The following VSIG1 variants were observed in gnomAD, a reference collection of about 807,000 sequenced individuals.
VSIG1 encodes the protein V-set and immunoglobulin domain containing 1.
A neutral mutation model predicts 20.1 loss-of-function variants in VSIG1; 11 were observed. That is an observed-to-expected ratio of 0.55 (90% CI 0.34 to 0.91). The LOEUF is 0.91. Ranked by LOEUF, VSIG1 falls within the 40% of genes least tolerant of loss-of-function variation. The pLI, the probability that VSIG1 is intolerant of heterozygous loss-of-function variation, is 0.02. For missense variants in VSIG1, 283 were observed against 298.8 expected, an observed-to-expected ratio of 0.95 and a Z score of 0.39; for synonymous variants, 126 against 116.7, an observed-to-expected ratio of 1.08 and a Z score of -0.52.
intron 3 of VSIG1, among the ~76,000 whole-genome samples, chrX:108,070,651 A>T (rs1021512061): frequency 3.6e-5 from 4 of 112,068 alleles, no homozygotes; most frequent in African/African-American, 1.3e-4. Flanking sequence ...CATCTTTTTA[A>T]AAAGGCAGTA....
At chrX:108,054,813 G>C (rs993752141) in intron 1 of VSIG1, among the ~76,000 whole-genome samples, 10 of 109,099 alleles carry the variant, frequency 9.2e-5, no homozygotes, top group African/African-American at 3.3e-4. Context: ...TGTAGATAAA[G>C]CAATTCTGAG....
intron 2 of VSIG1, chrX:108,064,760 T>C: frequency 5.3e-6 from 4 of 753,538 alleles, no homozygotes; most frequent in Non-Finnish European, 4.7e-6. Flanking sequence ...TGAAGGGCAC[T>C]CTTGATGGAC....
At chrX:108,070,874 C>T (rs1180801631) in intron 3 of VSIG1, among the ~76,000 whole-genome samples, 2 of 112,142 alleles carry the variant, frequency 1.8e-5, no homozygotes, top group Non-Finnish European at 3.8e-5. Context: ...TCTGTCTTCT[C>T]GCACCTGTGT....
chrX:108,044,392 A>T (rs1006471956), upstream of VSIG1, among the ~76,000 whole-genome samples: 1 of 112,014 alleles, frequency 8.9e-6, no homozygotes, highest in African/African-American at 3.2e-5. Context: ...TTCTCCAAAA[A>T]ATCAGACTTC....
Position 108,067,032 on chromosome X carries a change from T to G in VSIG1, c.310T>G (p.Ser104Ala), listed in dbSNP as rs766099518. ...NDPGNASITI[S>A]HMQPADSGIY... ...TCCAGGTAATGCATCTATCACTATC[T>G]CGCATATGCAGCCAGCAGACAGTGG... The change falls in exon 3 of 7, where the codon TCG (serine) becomes GCG (alanine). Residue 104 changes from serine (S) to alanine (A), a missense_variant. Coordinates refer to ENST00000217957, the MANE Select transcript of VSIG1 (RefSeq NM_182607.5). The G allele has an allele frequency of 2.1e-4, 251 of 1,209,562 alleles. 2 individuals are homozygous for G. The South Asian group carries it at 4.2e-3, about 20-fold the overall frequency.
intron 1 of VSIG1, among the ~76,000 whole-genome samples, chrX:108,052,286 GA>G (rs960224485): frequency 1.8e-5 from 2 of 111,389 alleles, no homozygotes; most frequent in South Asian, 7.7e-4. Context: ...TTCCTGCTAT[GA>G]AAAAAACAAA....
chrX:108,023,063 T>A, the VSIG1 span, among the ~76,000 whole-genome samples: 7 of 112,217 alleles, frequency 6.2e-5, no homozygotes, highest in African/African-American at 2.3e-4. Flanking sequence ...TCTTTATAAA[T>A]GACCCAGCCT....
chrX:108,029,016 G>T, the VSIG1 span, among the ~76,000 whole-genome samples: 1 of 111,407 alleles, frequency 9.0e-6, no homozygotes, highest in Non-Finnish European at 1.9e-5. Flanking sequence ...TACATTCCTC[G>T]GAGAAGGGGA....
intron 1 of VSIG1, among the ~76,000 whole-genome samples, chrX:108,051,404 A>T (rs1277865925): frequency 1.8e-5 from 2 of 112,185 alleles, no homozygotes; most frequent in African/African-American, 6.5e-5. Context: ...GACAAATGTC[A>T]GCCTCAGTGA....
intron 2 of VSIG1, among the ~76,000 whole-genome samples, chrX:108,065,993 G>A (rs963156556): frequency 9.0e-6 from 1 of 111,437 alleles, no homozygotes; most frequent in African/African-American, 3.3e-5. Context: ...CTATATCACA[G>A]TGAGGGGCAG....
upstream of VSIG1, among the ~76,000 whole-genome samples, chrX:108,040,882 G>A (rs1268980456): frequency 9.0e-6 from 1 of 110,595 alleles, no homozygotes; most frequent in Admixed American, 9.6e-5. Flanking sequence ...GTGTGTGTTT[G>A]TGCATGTGTA....
intron 2 of VSIG1, chrX:108,064,626 C>G (rs963711582): frequency 4.7e-6 from 2 of 427,923 alleles, no homozygotes. Context: ...TGCTGTGGGC[C>G]TCAGGCGTGA....
At chrX:108,021,391 G>A in the VSIG1 span, among the ~76,000 whole-genome samples, 1 of 111,750 alleles carries the variant, frequency 8.9e-6, no homozygotes, top group Non-Finnish European at 1.9e-5. Context: ...GAAGTGGGAA[G>A]TCTAAATTGG....
chrX:108,038,767 A>C, the VSIG1 span, among the ~76,000 whole-genome samples: 8 of 112,208 alleles, frequency 7.1e-5, no homozygotes, highest in Admixed American at 9.4e-5. Context: ...GCAGGGGGGA[A>C]GTATGCTAAG....
At chrX:108,050,293 G>A (rs1467994967) in intron 1 of VSIG1, among the ~76,000 whole-genome samples, 1 of 112,045 alleles carries the variant, frequency 8.9e-6, no homozygotes, top group Admixed American at 9.4e-5. Flanking sequence ...AAGATGGACA[G>A]GAATTAGTCC....
chrX:108,076,262 T>C, intron 6 of VSIG1, 44 bp downstream of exon 6: 1 of 1,180,347 alleles, frequency 8.5e-7, no homozygotes, highest in Non-Finnish European at 1.1e-6. Flanking sequence ...CAAACATTTC[T>C]CAGGCATGTC....
chrX:108,025,133 A>G, the VSIG1 span, among the ~76,000 whole-genome samples: 6 of 111,695 alleles, frequency 5.4e-5, no homozygotes, highest in Non-Finnish European at 7.5e-5. Context: ...CAGGCTCCAC[A>G]TTAGAGGAAT....
At chrX:108,023,130 AGAG>A in the VSIG1 span, among the ~76,000 whole-genome samples, 15 of 112,455 alleles carry the variant, frequency 1.3e-4, no homozygotes, top group Non-Finnish European at 2.8e-4. Flanking sequence ...TTATCATGTT[AGAG>A]AAGTTCCCTT....
chrX:108,031,694 A>C, the VSIG1 span, among the ~76,000 whole-genome samples: 1 of 112,581 alleles, frequency 8.9e-6, no homozygotes, highest in East Asian at 2.8e-4. Flanking sequence ...CAAACTATAC[A>C]CATCTGTATA....
Sources: allele counts gnomAD v4.1 joint callset (sites outside exome capture counted in the v4.1 genomes callset), GRCh38; gene constraint gnomAD v4.1.1; transcripts MANE v1.5; gene names NCBI Gene and HGNC (gene_info 2026-07-23, HGNC 2026-07-21).